The following TUT4 variants were observed in gnomAD, a reference collection of about 807,000 sequenced individuals.
TUT4 encodes the protein terminal uridylyltransferase 4.
A neutral mutation model predicts 192.2 loss-of-function variants in TUT4; 36 were observed. The observed-to-expected ratio is 0.19, with a 90% CI of 0.14 to 0.25. TUT4 has a LOEUF of 0.25. Ranked by LOEUF, TUT4 falls within the 10% of genes least tolerant of loss-of-function variation. The pLI is 1.00. For synonymous variants in TUT4, 618 were observed against 666.0 expected (o/e 0.93, Z 1.11); for missense variants, 1,493 against 1,957.2 (o/e 0.76, Z 4.47).
chr1:52,448,587 T>TC (rs1553164244), intron 20 of TUT4, among the ~76,000 whole-genome samples: 1 of 49,730 alleles, frequency 2.0e-5, no homozygotes, highest in Non-Finnish European at 3.5e-5. Flanking sequence ...AGATTCTGTC[T>TC]CAAAAAAAAA....
intron 20 of TUT4, among the ~76,000 whole-genome samples, chr1:52,455,239 G>A (rs937214018): frequency 6.6e-6 from 1 of 152,160 alleles, no homozygotes; most frequent in South Asian, 2.1e-4. Flanking sequence ...AGTGGAGATT[G>A]TGCCACTGTA....
chr1:52,424,915 T>G (rs1220883592), intron 29 of TUT4: 1 of 154,278 alleles, frequency 6.5e-6, no homozygotes, highest in East Asian at 1.9e-4. Flanking sequence ...TATTTTCTAC[T>G]CTTTTTCATT....
chr1:52,446,737 C>G (rs899689192), intron 20 of TUT4, 70 bp from the exon 21 acceptor site: 2 of 1,122,902 alleles, frequency 1.8e-6, no homozygotes, highest in Non-Finnish European at 2.6e-6. Flanking sequence ...TACTCTAATA[C>G]CATTTTAGAA....
At chr1:52,509,246 T>C (rs932130452) in intron 4 of TUT4, among the ~76,000 whole-genome samples, 1 of 152,230 alleles carries the variant, frequency 6.6e-6, no homozygotes, top group South Asian at 2.1e-4. Context: ...ATTCAACGCA[T>C]GCCCTCATCA....
chr1:52,475,423 C>T lies in TUT4; in HGVS notation c.2136G>A (p.Thr712=), dbSNP rs754926852. Residue 712 remains threonine (T), a synonymous_variant, in exon 13 of 30, where the codon ACG becomes ACA. Coordinates refer to ENST00000257177, the MANE Select transcript of TUT4 (RefSeq NM_001009881.3). Reference sequence around the variant, plus strand: ...CCACTGTAGACTTATTTCCACCCTTCGTCTGAGGACAGGCAAAATACCGAT... The same window carrying T: ...CCACTGTAGACTTATTTCCACCCTTTGTCTGAGGACAGGCAAAATACCGAT... ...AAYRYFACPQ[T]KGGNKSTVDF... is the part of the protein sequence containing the mutation. 5 of 1,614,002 alleles carry T rather than the reference C, an allele frequency of 3.1e-6. No individual in the cohort carries two copies. The highest frequency in any genetic ancestry group is 3.3e-5 in the Admixed American group (2 of 60,006).
At chr1:52,519,500 T>G (rs1181798940) in intron 2 of TUT4, among the ~76,000 whole-genome samples, 5 of 152,090 alleles carry the variant, frequency 3.3e-5, no homozygotes, top group African/African-American at 1.2e-4. Flanking sequence ...ACTTAGATTT[T>G]TAGTAAAATA....
rs12064721 is a variant in TUT4 at position 52,481,406 on chromosome 1, A to G, written c.1848+17T>C. ...CTACAGATAGAAAAGCCAAAAAACA[A>G]AAACAAAAAGGCTTACTTTGCCATG... On this transcript the variant is annotated intron_variant, in intron 11 of 29. Coordinates refer to ENST00000257177, the MANE Select transcript of TUT4 (RefSeq NM_001009881.3). 19 of 1,611,400 alleles carry G rather than the reference A, an allele frequency of 1.2e-5. No individual in the cohort carries two copies. In the African/African-American group the frequency reaches 2.3e-4, roughly 19 times the overall value.
chr1:52,536,731 G>C (rs1685000093), intron 1 of TUT4, among the ~76,000 whole-genome samples: 1 of 152,158 alleles, frequency 6.6e-6, no homozygotes, highest in Non-Finnish European at 1.5e-5. Flanking sequence ...GTGGGTGCTT[G>C]TAATCCCAGC....
chr1:52,520,898 T>C (rs1202606064), intron 2 of TUT4, among the ~76,000 whole-genome samples: 4 of 152,228 alleles, frequency 2.6e-5, no homozygotes, highest in African/African-American at 9.6e-5. Flanking sequence ...GTTCAAGCAA[T>C]TCTCCTGCCT....
intron 14 of TUT4, among the ~76,000 whole-genome samples, chr1:52,470,591 A>G (rs1665475075): frequency 6.6e-6 from 1 of 152,236 alleles, no homozygotes; most frequent in Non-Finnish European, 1.5e-5. Context: ...AACCACCGAT[A>G]CACAACAACA....
chr1:52,495,499 CA>C lies in TUT4; in HGVS notation c.1193del (p.Leu398CysfsTer6). On this transcript the variant is annotated frameshift_variant, in exon 6 of 30. Transcript: ENST00000257177. LOFTEE classifies it high-confidence loss of function. ...TTFLPECSLR[L>X]YGSSLTRFAL... ...CAAATCTAGTCAGAGATGAGCCATA[CA>C]ACCTAAGTGAACATTCTGGAATAAA... 1 of 1,609,410 alleles carries C rather than the reference CA, an allele frequency of 6.2e-7. No individual in the cohort carries two copies. The highest frequency in any genetic ancestry group is 8.5e-7 in the Non-Finnish European group (1 of 1,177,412).
chr1:52,517,171 T>C (rs1033771494), intron 2 of TUT4, among the ~76,000 whole-genome samples: 2 of 152,236 alleles, frequency 1.3e-5, no homozygotes, highest in African/African-American at 4.8e-5. Flanking sequence ...CTTGTTCTAT[T>C]ACCCTCTATT....
chr1:52,459,203 G>A lies in TUT4; in HGVS notation c.3322-754C>T, dbSNP rs570616344. ...CGGGAGGCTGAGGCAGGAGAATGGC[G>A]TGAACCCAGGAGGCAGAGCTTGCAG... On this transcript the variant is annotated intron_variant, in intron 19 of 29. Coordinates refer to ENST00000257177, the MANE Select transcript of TUT4 (RefSeq NM_001009881.3). Among the ~76,000 whole-genome samples, 15 of 151,324 alleles carry A rather than the reference G, an allele frequency of 9.9e-5. No homozygotes were observed. In the South Asian group the frequency reaches 2.7e-3, roughly 27 times the overall value.
chr1:52,540,950 A>C (rs116140659), intron 1 of TUT4, among the ~76,000 whole-genome samples: 4,516 of 152,328 alleles, frequency 0.03, 109 homozygotes, highest in Non-Finnish European at 0.045. Context: ...TCACGCCTGT[A>C]ATCTCAGCAC....
At chr1:52,522,987 C>CTTTTTTTTTTTTTTTTTTTTTT (rs748149518) in intron 2 of TUT4, among the ~76,000 whole-genome samples, 1 of 89,566 alleles carries the variant, frequency 1.1e-5, no homozygotes. Context: ...CCTTAACTAT[C>CTTTTTTTTTTTTTTTTTTTTTT]TTTTTTTTTT....
rs1359838954 is a variant in TUT4, at chr1:52,489,004, C to T, written c.1420G>A (p.Asp474Asn). The change falls in exon 9 of 30, where the codon GAT becomes AAT. Residue 474 changes from aspartate (D) to asparagine (N), a missense_variant. Transcript: ENST00000257177. ...GLLCRVSAGN[D>N]MACLTTDLLT... The stretch of plus-strand genomic sequence containing the variant: ...AAATCAGTAGTGAGACATGCCATAT[C>T]GTTTCCTGCACTCACTCTACAAAGT... 4 of 1,613,400 alleles carry T rather than the reference C, an allele frequency of 2.5e-6. No individual in the cohort carries two copies. The highest frequency in any genetic ancestry group is 3.3e-4 in the Middle Eastern group (2 of 6,080).
intron 9 of TUT4, among the ~76,000 whole-genome samples, chr1:52,486,322 G>A (rs1422061832): frequency 6.6e-6 from 1 of 152,122 alleles, no homozygotes; most frequent in Admixed American, 6.5e-5. Context: ...ATGTACTGAT[G>A]ATAAGGCTAA....
chr1:52,547,602 G>A (rs1688410985), intron 1 of TUT4, among the ~76,000 whole-genome samples: 1 of 152,118 alleles, frequency 6.6e-6, no homozygotes, highest in Non-Finnish European at 1.5e-5. Context: ...ATTCCTTATA[G>A]GCAAAAAGTA....
chr1:52,489,062 A>G, intron 8 of TUT4, 27 bp from the exon 9 acceptor site: 3 of 1,602,194 alleles, frequency 1.9e-6, no homozygotes, highest in Non-Finnish European at 2.6e-6. Flanking sequence ...AACAAATTTC[A>G]TTGTATTAAT....
Sources: allele counts gnomAD v4.1 joint callset (sites outside exome capture counted in the v4.1 genomes callset), GRCh38; gene constraint gnomAD v4.1.1; transcripts MANE v1.5; gene names NCBI Gene and HGNC (gene_info 2026-07-23, HGNC 2026-07-21).